Variants in KAZN observed in about 807,000 individuals in gnomAD.
The protein encoded by KAZN is kazrin.
Under a neutral mutation model 87.4 loss-of-function variants are expected in KAZN, and 40 were observed. The observed-to-expected ratio is 0.46, with a 90% CI of 0.36 to 0.60. The LOEUF is 0.60. Ranked by LOEUF, KAZN falls within the 20% of genes least tolerant of loss-of-function variation. The pLI, the probability that KAZN is intolerant of heterozygous loss-of-function variation, is 0.00. For missense variants in KAZN, 898 were observed against 1,073.9 expected (o/e 0.84, Z 2.29); for synonymous variants, 466 against 458.3 (o/e 1.02, Z -0.22).
At chr1:14,575,793 C>A (rs1456098498) in intron 2 of KAZN, among the ~76,000 whole-genome samples, 1 of 152,142 alleles carries the variant, frequency 6.6e-6, no homozygotes, top group Non-Finnish European at 1.5e-5. Context: ...AGCCACTGAA[C>A]AATGCCACTA....
At chr1:14,601,449 G>T (rs942612895) in intron 1 of KAZN, among the ~76,000 whole-genome samples, 3 of 149,602 alleles carry the variant, frequency 2.0e-5, no homozygotes, top group South Asian at 2.1e-4. Context: ...TTTTTTTTTT[G>T]ATGGGGGCGG....
intron 2 of KAZN, among the ~76,000 whole-genome samples, chr1:14,543,105 T>A (rs973620880): frequency 6.6e-6 from 1 of 152,194 alleles, no homozygotes; most frequent in African/African-American, 2.4e-5. Flanking sequence ...CATATCTTTA[T>A]TTTTCTAAGC....
chr1:14,102,192 C>T (rs1035410089), intron 1 of KAZN, among the ~76,000 whole-genome samples: 3 of 152,126 alleles, frequency 2.0e-5, no homozygotes, highest in African/African-American at 4.8e-5. Flanking sequence ...CCGGGGAAGA[C>T]GCCCTCAGCA....
At chr1:14,504,051 T>C (rs560241749) in intron 2 of KAZN, among the ~76,000 whole-genome samples, 1 of 152,298 alleles carries the variant, frequency 6.6e-6, no homozygotes, top group East Asian at 1.9e-4. Flanking sequence ...CACACCTCCT[T>C]AAATGTCGTG....
At chr1:14,701,066 G>A (rs1237561346) in intron 1 of KAZN, among the ~76,000 whole-genome samples, 2 of 152,146 alleles carry the variant, frequency 1.3e-5, no homozygotes, top group Non-Finnish European at 2.9e-5. Context: ...AAAAGATGTG[G>A]CCCCCACCAT....
At chr1:13,957,772 C>A (rs752387224) in intron 1 of KAZN, among the ~76,000 whole-genome samples, 7 of 152,056 alleles carry the variant, frequency 4.6e-5, no homozygotes, top group Non-Finnish European at 8.8e-5. Context: ...TGGGGGATGG[C>A]GTTAATCTAT....
In KAZN at chr1:14,895,172, T is replaced by C. The variant is rs1025993361; in HGVS notation, c.227-65512T>C. ...GGCCATTCCCATCATTTATGCCTTTTTCCCCCAACGTGGGGCAATGGCCAG... is the reference window on the plus strand; with the variant it reads ...GGCCATTCCCATCATTTATGCCTTTCTCCCCCAACGTGGGGCAATGGCCAG... On this transcript the variant is annotated intron_variant, in intron 1 of 14. Transcript: ENST00000376030. Among the ~76,000 whole-genome samples, 10 of 152,364 alleles carry C rather than the reference T, an allele frequency of 6.6e-5. No individual in the cohort carries two copies. The East Asian group carries it at 1.5e-3, about 24-fold the overall frequency.
intron 1 of KAZN, among the ~76,000 whole-genome samples, chr1:14,078,622 T>C (rs1260924569): frequency 1.3e-5 from 2 of 152,218 alleles, no homozygotes; most frequent in Non-Finnish European, 2.9e-5. Context: ...TCCTGGTTCA[T>C]AGACGGCGCC....
In KAZN at chr1:14,599,255, A is replaced by C; in HGVS notation, c.226+32A>C. 7.5e-7 allele frequency: 1 copy of C among 1,335,776 alleles called. No homozygotes were observed. The allele number at this position is 1,335,776 out of a possible 1,614,324, so 82.7% of individuals were successfully genotyped here. ...TCGCCCCGGCGCCCAGGGCGGAGGA[A>C]GGCGAGCAGAGCACGCCCGGCCTCG... On this transcript the variant is annotated intron_variant, in intron 1 of 14. Transcript: ENST00000376030. This position sits in a 1 kb window ranked among gnomAD's most constrained non-coding sequence, Gnocchi z 4.4.
At chr1:14,911,608 C>G (rs1040234555) in intron 1 of KAZN, among the ~76,000 whole-genome samples, 1 of 152,210 alleles carries the variant, frequency 6.6e-6, no homozygotes, top group Non-Finnish European at 1.5e-5. Flanking sequence ...ACTGGGAGAG[C>G]CCACACCCTT....
At chr1:15,006,329 C>G (rs973879557) in intron 2 of KAZN, among the ~76,000 whole-genome samples, 1 of 152,176 alleles carries the variant, frequency 6.6e-6, no homozygotes, top group Non-Finnish European at 1.5e-5. Context: ...CCCTCTCCTA[C>G]CTGCAGAGGT....
intron 1 of KAZN, among the ~76,000 whole-genome samples, chr1:13,961,148 TATAATG>T (rs2101024275): frequency 6.6e-6 from 1 of 152,244 alleles, no homozygotes; most frequent in African/African-American, 2.4e-5. Context: ...TCTTCCAACT[TATAATG>T]TAGTGTAATG....
intron 2 of KAZN, among the ~76,000 whole-genome samples, chr1:14,280,616 GA>G (rs917441916): frequency 2.0e-5 from 3 of 152,034 alleles, no homozygotes; most frequent in African/African-American, 7.2e-5. Flanking sequence ...CCTCAGGATG[GA>G]AACAACTTGT....
intron 2 of KAZN, among the ~76,000 whole-genome samples, chr1:14,971,399 CAAAAA>C (rs796260456): frequency 6.6e-6 from 1 of 151,828 alleles, no homozygotes; most frequent in Non-Finnish European, 1.5e-5. Context: ...CTGTCTCAAA[CAAAAA>C]AAGAAAAGAA....
chr1:14,831,767 G>A (rs1048693191), intron 1 of KAZN, among the ~76,000 whole-genome samples: 5 of 152,104 alleles, frequency 3.3e-5, no homozygotes, highest in East Asian at 1.9e-4. Flanking sequence ...GCTGAGGCTC[G>A]GGTGGGCCCT....
chr1:14,829,175 G>A lies in KAZN; in HGVS notation c.227-131509G>A, dbSNP rs149324815. On this transcript the variant is annotated intron_variant, in intron 1 of 14. Coordinates refer to ENST00000376030, the MANE Select transcript of KAZN (RefSeq NM_201628.3). ...GCTAATAGTGTCGTGACTGACTCACGAGAAGACCATGCCCCAAGTCCCTTT... is the reference window on the plus strand; with the variant it reads ...GCTAATAGTGTCGTGACTGACTCACAAGAAGACCATGCCCCAAGTCCCTTT... Among the ~76,000 whole-genome samples, 5 of 152,326 alleles carry A rather than the reference G, an allele frequency of 3.3e-5. 1 individual carries two copies. Among genetic ancestry groups the A allele is most frequent in the Admixed American group, 2.6e-4 (4 of 15,298 alleles).
At chr1:14,162,217 A>G (rs1215161758) in intron 1 of KAZN, among the ~76,000 whole-genome samples, 1 of 152,024 alleles carries the variant, frequency 6.6e-6, no homozygotes, top group Non-Finnish European at 1.5e-5. Flanking sequence ...TGCTGGTAGA[A>G]CTCTGGGGAT....
intron 2 of KAZN, among the ~76,000 whole-genome samples, chr1:14,346,669 G>A (rs1658132930): frequency 6.6e-6 from 1 of 152,088 alleles, no homozygotes; most frequent in African/African-American, 2.4e-5. Context: ...CTTTGCCCAG[G>A]ATTGAGGTGG....
At chr1:14,397,092 T>C (rs1464203883) in intron 2 of KAZN, among the ~76,000 whole-genome samples, 1 of 152,224 alleles carries the variant, frequency 6.6e-6, no homozygotes, top group African/African-American at 2.4e-5. Context: ...GAAATAGGAT[T>C]GCAGTAATAG....
Sources: allele counts gnomAD v4.1 joint callset (sites outside exome capture counted in the v4.1 genomes callset), GRCh38; gene constraint gnomAD v4.1.1; non-coding constraint Gnocchi (gnomAD v3.1); transcripts MANE v1.5; gene names NCBI Gene and HGNC (gene_info 2026-07-23, HGNC 2026-07-21).